TSC1: variants seen among roughly 807,000 people sequenced by gnomAD.
TSC1 encodes the protein TSC complex subunit 1, also known as hamartin.
TSC1 carries 20 observed loss-of-function variants against 124.3 expected under a neutral mutation model. That is an observed-to-expected ratio of 0.16 (90% confidence interval 0.11 to 0.23). TSC1 has a LOEUF of 0.23. TSC1 is among the 10% of genes least tolerant of loss of function. TSC1 has a pLI of 1.00. For missense variants in TSC1, 1,124 were observed against 1,448.5 expected (o/e 0.78, Z 3.64); for synonymous variants, 493 against 539.1 (o/e 0.91, Z 1.19).
intron 16 of TSC1, among the ~76,000 whole-genome samples, chr9:132,904,125 T>G (rs1396097677): frequency 6.6e-6 from 1 of 152,170 alleles, no homozygotes; most frequent in East Asian, 1.9e-4. Flanking sequence ...CTTCGCTGTG[T>G]GTTCTCCCCC....
rs560193480 is a variant in TSC1 at position 132,895,830 on chromosome 9, T to C, written c.*405A>G. On this transcript the variant is annotated 3_prime_UTR_variant, in exon 23 of 23. Transcript: ENST00000298552. ...CAATGCAACAAACTACCTGGTCTAA[T>C]TGAGAGCCAACCCAGTTATCTGAAC... 5.0e-4 allele frequency: 164 copies of C among 325,070 alleles called. No individual in the cohort carries two copies. In the East Asian group the frequency reaches 5.1e-3, roughly 10 times the overall value. The allele number at this position is 325,070 out of a possible 1,614,324, so 20.1% of individuals were successfully genotyped here.
chr9:132,904,746 C>A (rs545359405), intron 15 of TSC1, among the ~76,000 whole-genome samples: 2 of 152,202 alleles, frequency 1.3e-5, no homozygotes, highest in African/African-American at 4.8e-5. Context: ...CTGCATACAC[C>A]GTGGCCTCCG....
intron 4 of TSC1, 173 bp from the exon 5 acceptor site, chr9:132,925,912 A>G (rs772900302): frequency 3.0e-5 from 25 of 840,932 alleles, no homozygotes; most frequent in Non-Finnish European, 4.0e-5. Context: ...CAAACAAAAC[A>G]CTGCTGCATT....
At chr9:132,907,752 A>AGCC (rs1845747688) in intron 12 of TSC1, among the ~76,000 whole-genome samples, 1 of 152,132 alleles carries the variant, frequency 6.6e-6, no homozygotes, top group Non-Finnish European at 1.5e-5. Context: ...GGCCTCCCAA[A>AGCC]GTGCTGGGAC....
chr9:132,919,908 C>T (rs968185321), intron 8 of TSC1, among the ~76,000 whole-genome samples: 1 of 152,256 alleles, frequency 6.6e-6, no homozygotes, highest in East Asian at 1.9e-4. Flanking sequence ...TAACTACATA[C>T]TGATGAAATT....
intron 12 of TSC1, chr9:132,910,104 G>A (rs1845866687): frequency 1.5e-5 from 3 of 203,976 alleles, no homozygotes; most frequent in African/African-American, 4.7e-5. Context: ...TTTAAGACTA[G>A]CCTGGGCAAC....
chr9:132,908,785 C>T (rs965477937), intron 12 of TSC1, among the ~76,000 whole-genome samples: 1 of 151,940 alleles, frequency 6.6e-6, no homozygotes, highest in Non-Finnish European at 1.5e-5. Flanking sequence ...TTCAAATAAT[C>T]ATCTTTGTTA....
At chr9:132,927,833 C>T (rs1298473631) in intron 3 of TSC1, among the ~76,000 whole-genome samples, 3 of 152,114 alleles carry the variant, frequency 2.0e-5, no homozygotes, top group African/African-American at 7.2e-5. Flanking sequence ...CCCTTTATTG[C>T]TTTTTTAATT....
chr9:132,944,622 C>T, upstream of TSC1: 1 of 398,912 alleles, frequency 2.5e-6, no homozygotes, highest in South Asian at 1.3e-4. Flanking sequence ...CGTACAGCAC[C>T]TCCCCCGTCG....
rs1306595186 is a variant in TSC1, at chr9:132,893,982, C to T, written c.*2253G>A. The T allele has an allele frequency of 4.3e-6, 1 of 233,340 alleles. No homozygotes were observed. Among genetic ancestry groups the T allele is most frequent in the Non-Finnish European group, 8.5e-6 (1 of 118,016 alleles). The allele number at this position is 233,340 out of a possible 1,614,324, so 14.5% of individuals were successfully genotyped here. A position where few individuals can be genotyped will look rare whatever the true frequency, so the allele number is the denominator to read the frequency against. On this transcript the variant is annotated 3_prime_UTR_variant, in exon 23 of 23. Coordinates refer to ENST00000298552, the MANE Select transcript of TSC1 (RefSeq NM_000368.5). ...AAGCCTACATTTTTAGGTTGGGCAC[C>T]TTCAACATGACTCCAGGTCTCATTC...
rs545896754 is a variant in TSC1, at chr9:132,896,857, C to T, written c.2976-103G>A. 3.6e-4 allele frequency: 559 copies of T among 1,542,308 alleles called. No individual in the cohort carries two copies. Among genetic ancestry groups the T allele is most frequent in the Non-Finnish European group, 4.3e-4 (483 of 1,117,482 alleles). ...ACTCACTCACACTGACACTGAACTC[C>T]GCTAGCCCACTCTCTGTTTTATAAT... On this transcript the variant is annotated intron_variant, in intron 22 of 22. Transcript: ENST00000298552. The surrounding 1 kb of genome is among the most constrained non-coding windows in gnomAD (Gnocchi z 4.5).
chr9:132,940,851 CA>C (rs1847700019), intron 1 of TSC1: 1 of 152,212 alleles, frequency 6.6e-6, no homozygotes, highest in Non-Finnish European at 1.5e-5. Flanking sequence ...AACATTGATA[CA>C]ACCATTGTAT....
At chr9:132,937,138 C>T (rs1588378786) in intron 1 of TSC1, among the ~76,000 whole-genome samples, 1 of 152,208 alleles carries the variant, frequency 6.6e-6, no homozygotes, top group East Asian at 1.9e-4. Flanking sequence ...AGTCACAGGG[C>T]TTGAATTAAA....
In TSC1 at chr9:132,891,663, G is replaced by C. The variant is rs1236207867; in HGVS notation, c.*4572C>G. 10 of 233,440 alleles carry C rather than the reference G, an allele frequency of 4.3e-5. No individual in the cohort carries two copies. Among genetic ancestry groups the C allele is most frequent in the Non-Finnish European group, 7.6e-5 (9 of 118,008 alleles). The allele number at this position is 233,440 out of a possible 1,614,324, so 14.5% of individuals were successfully genotyped here. A position where few individuals can be genotyped will look rare whatever the true frequency, so the allele number is the denominator to read the frequency against. On this transcript the variant is annotated 3_prime_UTR_variant, in exon 23 of 23. Coordinates refer to ENST00000298552, the MANE Select transcript of TSC1 (RefSeq NM_000368.5). ...TTTAAACTGCAAGTTTGCCACACAT[G>C]GTTCATTCATGATTGAGTTATAAAA...
At chr9:132,927,451 T>G (rs562095395) in intron 3 of TSC1, 147 bp from the exon 4 acceptor site, 36 of 737,016 alleles carry the variant, frequency 4.9e-5, no homozygotes, top group Non-Finnish European at 7.7e-5. Flanking sequence ...GCCTTCTTAA[T>G]TTAATAATAA....
chr9:132,906,447 GC>G lies in TSC1; in HGVS notation c.1438+283del. On this transcript the variant is annotated intron_variant, in intron 14 of 22. Transcript: ENST00000298552. This position sits in a 1 kb window ranked among gnomAD's most constrained non-coding sequence, Gnocchi z 4.1. Reference sequence around the variant, plus strand: ...GCCTGTGGTCCCAGCTACTCAGGAGGCTGAGGTGGGCGGATTGCTTGAGCCT... The same window carrying G: ...GCCTGTGGTCCCAGCTACTCAGGAGGTGAGGTGGGCGGATTGCTTGAGCCT... 1.9e-6 allele frequency: 1 copy of G among 530,374 alleles called. No individual in the cohort carries two copies. Among genetic ancestry groups the G allele is most frequent in the South Asian group, 2.0e-5 (1 of 48,992 alleles). The allele number at this position is 530,374 out of a possible 1,614,324, so 32.9% of individuals were successfully genotyped here. A position where few individuals can be genotyped will look rare whatever the true frequency, so the allele number is the denominator to read the frequency against.
rs1227784843 is a variant in TSC1 at position 132,891,567 on chromosome 9, A to G, written c.*4668T>C. 4.3e-6 allele frequency: 1 copy of G among 233,464 alleles called. No homozygotes were observed. Among genetic ancestry groups the G allele is most frequent in the Non-Finnish European group, 8.5e-6 (1 of 118,002 alleles). The allele number at this position is 233,464 out of a possible 1,614,324, so 14.5% of individuals were successfully genotyped here. A position where few individuals can be genotyped will look rare whatever the true frequency, so the allele number is the denominator to read the frequency against. ...GGGAAAGTTTAGACCTTTTGACAAG[A>G]GCTGACTTTCTTCAATTTAACTAAA... On this transcript the variant is annotated 3_prime_UTR_variant, in exon 23 of 23. Transcript: ENST00000298552.
intron 1 of TSC1, chr9:132,944,194 G>A (rs12551192): frequency 0.23 from 39,742 of 173,888 alleles, 4,969 homozygotes; most frequent in African/African-American, 0.3. Context: ...CACCTAGCGT[G>A]AACCTGTCAC....
rs11243937 is a variant in TSC1 at position 132,937,181 on chromosome 9, C to A, written c.-143-2086G>T. Among the ~76,000 whole-genome samples, 177 of 152,218 alleles carry A rather than the reference C, an allele frequency of 1.2e-3. 1 individual carries two copies. Among genetic ancestry groups the A allele is most frequent in the African/African-American group, 4.1e-3 (172 of 41,526 alleles). ...AGCCCAGGCCAGGTGTGGTGGCTCA[C>A]GCCTGTAATCCCAGCACTTTGGGAG... is the stretch of plus-strand genomic sequence containing the variant. On this transcript the variant is annotated intron_variant, in intron 1 of 22. Coordinates refer to ENST00000298552, the MANE Select transcript of TSC1 (RefSeq NM_000368.5).
Sources: allele counts gnomAD v4.1 joint callset (sites outside exome capture counted in the v4.1 genomes callset), GRCh38; gene constraint gnomAD v4.1.1; non-coding constraint Gnocchi (gnomAD v3.1); transcripts MANE v1.5; gene names NCBI Gene and HGNC (gene_info 2026-07-23, HGNC 2026-07-21).